USP39: variants seen among roughly 807,000 people sequenced by gnomAD.
USP39 encodes ubiquitin specific peptidase 39.
USP39 carries 38 observed loss-of-function variants against 66.4 expected under a neutral mutation model. The ratio of observed to expected loss-of-function variants is 0.57; its 90% confidence interval spans 0.44 to 0.75. USP39 has a LOEUF of 0.75. Ranked by LOEUF, USP39 falls within the 30% of genes least tolerant of loss-of-function variation. USP39 has a pLI of 0.00. For synonymous variants in USP39, 303 were observed against 274.6 expected (o/e 1.10, Z -1.02); for missense variants, 608 against 714.4 (o/e 0.85, Z 1.70).
intron 4 of USP39, among the ~76,000 whole-genome samples, chr2:85,624,305 A>G (rs1674684675): frequency 6.6e-6 from 1 of 151,150 alleles, no homozygotes; most frequent in Admixed American, 6.6e-5. Context: ...TTTCCTTTTC[A>G]GCACGTGGGG....
chr2:85,609,349 C>A, upstream of USP39: 8 of 1,538,378 alleles, frequency 5.2e-6, no homozygotes, highest in Non-Finnish European at 7.0e-6. Flanking sequence ...CATTGGGGGT[C>A]CTGAGGAAAA....
At position 85,648,818 on chromosome 2, in the gene USP39, C is replaced by G. The variant is rs763998831; in HGVS notation, c.*10C>G. ...CCAGCAGGGGGCTTGAAGGAGGCGT[C>G]TAGGGCTTTGCTCCCAAGGGCTGTG... On this transcript the variant is annotated 3_prime_UTR_variant, in exon 13 of 13. Coordinates refer to ENST00000323701, the MANE Select transcript of USP39 (RefSeq NM_006590.4). The G allele has an allele frequency of 6.2e-7, 1 of 1,614,058 alleles. No individual in the cohort carries two copies. The highest frequency in any genetic ancestry group is 1.1e-5 in the South Asian group (1 of 91,076).
upstream of USP39, among the ~76,000 whole-genome samples, chr2:85,612,768 C>G (rs961775502): frequency 6.6e-6 from 1 of 151,726 alleles, no homozygotes; most frequent in African/African-American, 2.4e-5. Flanking sequence ...TCAAGCGATT[C>G]TCCTGCCTCA....
intron 6 of USP39, among the ~76,000 whole-genome samples, chr2:85,633,821 C>T (rs531867848): frequency 2.8e-5 from 4 of 141,596 alleles, no homozygotes; most frequent in Non-Finnish European, 3.0e-5. Flanking sequence ...GAGGGGACGT[C>T]GAGTAGTGGC....
intron 10 of USP39, among the ~76,000 whole-genome samples, chr2:85,641,748 CA>C (rs1314238181): frequency 1.1e-4 from 16 of 151,298 alleles, no homozygotes; most frequent in Admixed American, 7.9e-4. Flanking sequence ...CAAAAAAATA[CA>C]AAAAATTAGC....
At chr2:85,622,833 A>G (rs1217211958) in intron 3 of USP39, among the ~76,000 whole-genome samples, 2 of 152,098 alleles carry the variant, frequency 1.3e-5, no homozygotes, top group Non-Finnish European at 1.5e-5. Flanking sequence ...GTTTAAAGTC[A>G]AGAGTTCAAG....
At position 85,639,241 on chromosome 2, in the gene USP39, G is replaced by A. The variant is rs1159486983; in HGVS notation, c.1134G>A (p.Glu378=). 1.2e-6 allele frequency: 2 copies of A among 1,613,752 alleles called. No individual in the cohort carries two copies. ...AAGAGCAGTTGCTCCATAATGACGA[G>A]TACCAGGAGACAATGGTGGAGTCCA... The part of the protein sequence containing the change: ...EEKEQLLHND[E]YQETMVESTF... The change falls in exon 9 of 13, where the codon GAG becomes GAA. Residue 378 remains glutamate, a synonymous_variant. Transcript: ENST00000323701.
chr2:85,645,238 G>A lies in USP39; in HGVS notation c.1563+155G>A, dbSNP rs570753878. The A allele has an allele frequency of 1.2e-5, 12 of 1,033,882 alleles. No homozygotes were observed. In the South Asian group the frequency reaches 1.4e-4, roughly 12 times the overall value. 64.0% of individuals were successfully genotyped at this position (1,033,882 alleles called of 1,614,324 possible). ...TGTCAGTAGTTAGTTTAAGGCAGTG[G>A]TTCTCAATTTTGGCTACACATTGGA... On this transcript the variant is annotated intron_variant, in intron 11 of 12. Coordinates refer to ENST00000323701, the MANE Select transcript of USP39 (RefSeq NM_006590.4).
upstream of USP39, among the ~76,000 whole-genome samples, chr2:85,615,629 A>T (rs1313535912): frequency 6.6e-6 from 1 of 152,048 alleles, no homozygotes; most frequent in Admixed American, 6.6e-5. Flanking sequence ...TCTGGGGCCG[A>T]ATGACAGCTT....
At chr2:85,629,641 C>T (rs1360843142) in intron 5 of USP39, among the ~76,000 whole-genome samples, 3 of 150,424 alleles carry the variant, frequency 2.0e-5, no homozygotes, top group South Asian at 2.1e-4. Flanking sequence ...GGATTACAGG[C>T]GCGTGCCACC....
chr2:85,616,383 C>G lies in USP39; in HGVS notation c.188C>G (p.Pro63Arg), dbSNP rs575261072. Residue 63 changes from proline to arginine, a missense_variant, in exon 1 of 13, where the codon CCG becomes CGG. Physicochemically the swap from Pro to Arg is moderately radical, Grantham distance 103. This residue lies in a region of USP39 where 207 missense variants were observed against 145.7 expected (regional missense o/e 1.42). Coordinates refer to ENST00000323701, the MANE Select transcript of USP39 (RefSeq NM_006590.4). ...EFEPASAREA[P>R]ASVVPFVRVK... Reference sequence around the variant, plus strand: ...GAGCCGGCGAGCGCGCGCGAGGCCCCGGCTTCTGTTGTCCCGTTTGTGCGG... The same window carrying G: ...GAGCCGGCGAGCGCGCGCGAGGCCCGGGCTTCTGTTGTCCCGTTTGTGCGG... 7 of 1,602,718 alleles carry G rather than the reference C, an allele frequency of 4.4e-6. No individual in the cohort carries two copies. The highest frequency in any genetic ancestry group is 1.7e-4 in the Middle Eastern group (1 of 6,016).
chr2:85,647,397 G>A (rs532806054), intron 11 of USP39, among the ~76,000 whole-genome samples: 52 of 152,176 alleles, frequency 3.4e-4, no homozygotes, highest in African/African-American at 1.2e-3. Flanking sequence ...GGGGCCAGGC[G>A]CAGTGGCTCA....
chr2:85,639,341 C>T lies in USP39; in HGVS notation c.1234C>T (p.Gln412Ter). 6.2e-7 allele frequency: 1 copy of T among 1,614,064 alleles called. No individual in the cohort carries two copies. The highest frequency in any genetic ancestry group is 8.5e-7 in the Non-Finnish European group (1 of 1,180,014). The change falls in exon 9 of 13, where the codon CAA becomes TAA. Residue 412 changes from glutamine to a stop codon, truncating the protein, a stop_gained. Coordinates refer to ENST00000323701, the MANE Select transcript of USP39 (RefSeq NM_006590.4). LOFTEE classifies it high-confidence loss of function. ...KDEKEQLIIP[Q>*]VPLFNILAKF... ...CGAGAAGGAGCAGCTCATCATTCCC[C>T]AAGTGCCACTCTTCAACATCCTGGC...
At position 85,616,333 on chromosome 2, in the gene USP39, C is replaced by T; in HGVS notation, c.138C>T (p.Ser46=). ...REPEAASSRG[S]PVRVKREFEP... ...CTGAGGCGGCGAGCTCCCGGGGCAG[C>T]CCTGTGCGCGTGAAGCGGGAGTTCG... The change falls in exon 1 of 13, where the codon AGC becomes AGT. Residue 46 remains serine, a synonymous_variant. Transcript: ENST00000323701. The T allele has an allele frequency of 1.2e-6, 2 of 1,600,640 alleles. No homozygotes were observed. The highest frequency in any genetic ancestry group is 1.1e-5 in the South Asian group (1 of 89,360).
At chr2:85,605,489 C>T (rs1673181786) in intron 1 of USP39, among the ~76,000 whole-genome samples, 2 of 152,178 alleles carry the variant, frequency 1.3e-5, no homozygotes, top group South Asian at 4.1e-4. Context: ...AGCATTACTC[C>T]AACTCCTAGG....
intron 2 of USP39, among the ~76,000 whole-genome samples, chr2:85,621,056 TG>T (rs1674418859): frequency 6.6e-6 from 1 of 152,178 alleles, no homozygotes; most frequent in Non-Finnish European, 1.5e-5. Context: ...AGTGCAGTGG[TG>T]GATCAGAGCT....
intron 4 of USP39, among the ~76,000 whole-genome samples, chr2:85,625,043 A>G (rs1674744731): frequency 6.6e-6 from 1 of 151,956 alleles, no homozygotes; most frequent in South Asian, 2.1e-4. Context: ...TGAGTTTGCG[A>G]TGATCTCTGT....
Position 85,641,080 on chromosome 2 carries a change from T to C in USP39, c.1389T>C (p.Phe463=). ...CIKRFTKNNF[F]VEKNPTIVNF... ...AGAGATTCACTAAGAACAACTTCTT[T>C]GTTGAGAAGAATCCAACTATTGTCA... Residue 463 remains phenylalanine (F), a synonymous_variant, in exon 10 of 13, where the codon TTT becomes TTC. Coordinates refer to ENST00000323701, the MANE Select transcript of USP39 (RefSeq NM_006590.4). 6.2e-7 allele frequency: 1 copy of C among 1,613,560 alleles called. No individual in the cohort carries two copies. The highest frequency in any genetic ancestry group is 1.1e-5 in the South Asian group (1 of 90,894).
chr2:85,613,002 C>T (rs921301840), upstream of USP39, among the ~76,000 whole-genome samples: 3 of 151,088 alleles, frequency 2.0e-5, no homozygotes, highest in Middle Eastern at 0.01. Flanking sequence ...ACTGGGTTCA[C>T]GTCACAGCGT....
Sources: gnomAD v4.1 joint callset for allele counts (sites outside exome capture counted in the v4.1 genomes callset) on GRCh38, gnomAD v4.1.1 for gene constraint, gnomAD v4.1.1 regional missense constraint, MANE v1.5 for transcripts, NCBI Gene and HGNC (gene_info 2026-07-23, HGNC 2026-07-21) for gene names.